The following NIBAN1 variants were observed in gnomAD, a reference collection of about 807,000 sequenced individuals.
The protein encoded by NIBAN1 is protein Niban 1.
Under a neutral mutation model 75.1 loss-of-function variants are expected in NIBAN1, and 81 were observed. That is an observed-to-expected ratio of 1.08 (90% CI 0.90 to 1.30). NIBAN1 has a LOEUF of 1.30. NIBAN1 is among the 50% of genes most tolerant of loss of function. The probability of loss-of-function intolerance (pLI) is 0.00; values close to 1 mark genes in which losing one functional copy is unlikely to be tolerated. For missense variants in NIBAN1, 1,133 were observed against 1,128.1 expected, an observed-to-expected ratio of 1.00 and a Z score of -0.06; for synonymous variants, 436 against 424.8, an observed-to-expected ratio of 1.03 and a Z score of -0.32.
chr1:184,863,122 C>A (rs80172835), intron 5 of NIBAN1, among the ~76,000 whole-genome samples: 2 of 152,186 alleles, frequency 1.3e-5, no homozygotes, highest in African/African-American at 4.8e-5. Flanking sequence ...CCCTCCTCAT[C>A]ACCACACGAT....
intron 5 of NIBAN1, among the ~76,000 whole-genome samples, chr1:184,871,066 G>C (rs1486473678): frequency 6.6e-6 from 1 of 152,158 alleles, no homozygotes; most frequent in Non-Finnish European, 1.5e-5. Context: ...AAATGTGCTA[G>C]CTGGGTGCAG....
chr1:184,974,410 T>C lies in NIBAN1; in HGVS notation c.-54A>G, dbSNP rs1291426263. 2 of 1,527,646 alleles carry C rather than the reference T, an allele frequency of 1.3e-6. No homozygotes were observed. Among genetic ancestry groups the C allele is most frequent in the Non-Finnish European group, 1.8e-6 (2 of 1,142,182 alleles). 94.6% of individuals were successfully genotyped at this position (1,527,646 alleles called of 1,614,324 possible). A position where few individuals can be genotyped will look rare whatever the true frequency, so the allele number is the denominator to read the frequency against. On this transcript the variant is annotated 5_prime_UTR_variant, in exon 1 of 14. Transcript: ENST00000367511. ...AAACTGCCCGGTCCGCGCCCGCTGCTAGCTCCTGGAGGTTGATCCGACGGC... is the reference window on the plus strand; with the variant it reads ...AAACTGCCCGGTCCGCGCCCGCTGCCAGCTCCTGGAGGTTGATCCGACGGC...
chr1:184,963,696 CTTA>C, intron 1 of NIBAN1, among the ~76,000 whole-genome samples: 1 of 152,170 alleles, frequency 6.6e-6, no homozygotes, highest in East Asian at 1.9e-4. Context: ...AATAAATAAA[CTTA>C]TTAAACATTT....
chr1:184,938,053 T>C (rs1359228638), intron 1 of NIBAN1, among the ~76,000 whole-genome samples: 1 of 152,040 alleles, frequency 6.6e-6, no homozygotes, highest in Non-Finnish European at 1.5e-5. Context: ...GCTCACAAGA[T>C]GAGGCTGGAG....
At chr1:184,916,500 A>T (rs1276963155) in intron 1 of NIBAN1, among the ~76,000 whole-genome samples, 6 of 150,324 alleles carry the variant, frequency 4.0e-5, no homozygotes, top group Admixed American at 4.0e-4. Flanking sequence ...AGCAAAAAAA[A>T]TCCAATTCAT....
chr1:184,809,599 A>ATG (rs936347028), intron 9 of NIBAN1, among the ~76,000 whole-genome samples: 20 of 149,920 alleles, frequency 1.3e-4, no homozygotes, highest in African/African-American at 4.9e-4. Flanking sequence ...ATCAGGGTAT[A>ATG]TGTGTGTGTA....
rs1368170734 is a variant in NIBAN1, at chr1:184,793,587, G to A, written c.*1390C>T. ...ATAGAATAAAATAAAATAAAAAGTCGGGGAGGGAAACCACGATGTAATACT... is the reference window on the plus strand; with the variant it reads ...ATAGAATAAAATAAAATAAAAAGTCAGGGAGGGAAACCACGATGTAATACT... On this transcript the variant is annotated 3_prime_UTR_variant, in exon 14 of 14. Coordinates refer to ENST00000367511, the MANE Select transcript of NIBAN1 (RefSeq NM_052966.4). The A allele has an allele frequency of 1.3e-5, 2 of 152,098 alleles. No homozygotes were observed. Among genetic ancestry groups the A allele is most frequent in the Non-Finnish European group, 2.9e-5 (2 of 68,006 alleles). The allele number at this position is 152,098 out of a possible 1,614,324, so 9.4% of individuals were successfully genotyped here.
rs682331 is a variant in NIBAN1 at position 184,792,231 on chromosome 1, A to G, written c.*2746T>C. The G allele has an allele frequency of 0.53, 80,369 of 152,050 alleles. 22,278 individuals carry two copies. Among genetic ancestry groups the G allele is most frequent in the African/African-American group, 0.7 (28,948 of 41,456 alleles). The allele number at this position is 152,050 out of a possible 1,614,324, so 9.4% of individuals were successfully genotyped here. A position where few individuals can be genotyped will look rare whatever the true frequency, so the allele number is the denominator to read the frequency against. On this transcript the variant is annotated 3_prime_UTR_variant, in exon 14 of 14. Coordinates refer to ENST00000367511, the MANE Select transcript of NIBAN1 (RefSeq NM_052966.4). ...GCTGGGATTATAGGTGTAAGCTACC[A>G]CATCCAGCCCAAAAACTTGTCTTTA...
chr1:184,926,788 A>G (rs1342485016), intron 1 of NIBAN1, among the ~76,000 whole-genome samples: 1 of 152,280 alleles, frequency 6.6e-6, no homozygotes, highest in Non-Finnish European at 1.5e-5. Context: ...TTTAAGGCCA[A>G]TAACTCAGAC....
intron 4 of NIBAN1, chr1:184,887,592 A>G (rs1656560177): frequency 6.6e-6 from 1 of 152,160 alleles, no homozygotes; most frequent in African/African-American, 2.4e-5. Context: ...TGGAATGAGA[A>G]TGCTATGGTA....
chr1:184,857,175 T>A (rs1297527367), intron 5 of NIBAN1, among the ~76,000 whole-genome samples: 1 of 152,204 alleles, frequency 6.6e-6, no homozygotes. Flanking sequence ...GGTGATGGGT[T>A]CTGGAGTCTG....
intron 2 of NIBAN1, among the ~76,000 whole-genome samples, chr1:184,894,800 G>A (rs557275952): frequency 6.6e-6 from 1 of 152,268 alleles, no homozygotes; most frequent in East Asian, 1.9e-4. Flanking sequence ...GAGTTCCACC[G>A]CTTCTACTGA....
chr1:184,887,046 G>C (rs111585243), intron 4 of NIBAN1, among the ~76,000 whole-genome samples: 2 of 152,062 alleles, frequency 1.3e-5, no homozygotes, highest in African/African-American at 4.8e-5. Flanking sequence ...ACTTGAACCC[G>C]GGAGGCAGAG....
At chr1:184,904,845 GGAGGCT>G (rs1433087205) in intron 1 of NIBAN1, among the ~76,000 whole-genome samples, 1 of 152,082 alleles carries the variant, frequency 6.6e-6, no homozygotes, top group Non-Finnish European at 1.5e-5. Context: ...CAGCTACTTG[GGAGGCT>G]GAGGCAGGAG....
At chr1:184,938,435 T>C (rs1040783165) in intron 1 of NIBAN1, among the ~76,000 whole-genome samples, 1 of 152,180 alleles carries the variant, frequency 6.6e-6, no homozygotes, top group Non-Finnish European at 1.5e-5. Context: ...CTTTCTCTTT[T>C]TTTCTTTTTG....
intron 1 of NIBAN1, among the ~76,000 whole-genome samples, chr1:184,963,597 A>T (rs1482163313): frequency 6.6e-6 from 1 of 152,230 alleles, no homozygotes. Context: ...AAAACAAAAT[A>T]GCTTTCTGGT....
intron 9 of NIBAN1, among the ~76,000 whole-genome samples, chr1:184,811,713 C>G (rs1442401609): frequency 6.6e-6 from 1 of 151,872 alleles, no homozygotes; most frequent in Non-Finnish European, 1.5e-5. Context: ...AGGATGGTCT[C>G]GATTTCCCGA....
chr1:184,823,889 C>T, intron 6 of NIBAN1, 147 bp from the exon 7 acceptor site: 5 of 586,120 alleles, frequency 8.5e-6, no homozygotes, highest in Non-Finnish European at 1.5e-5. Flanking sequence ...ACTACAGAGG[C>T]CACAGAAATC....
In NIBAN1 at chr1:184,928,081, C is replaced by A. The variant is rs115608848; in HGVS notation, c.56-28772G>T. Among the ~76,000 whole-genome samples, 1,103 of 152,228 alleles carry A rather than the reference C, an allele frequency of 7.2e-3. 13 individuals carry two copies. Among genetic ancestry groups the A allele is most frequent in the African/African-American group, 0.026 (1,074 of 41,540 alleles). On this transcript the variant is annotated intron_variant, in intron 1 of 13. Transcript: ENST00000367511. Reference sequence around the variant, plus strand: ...CAGCAGGTGATGAATCCAGCCAGAACTGGGGCCTTCCCTTCAAGGTAGCAA... The same window carrying A: ...CAGCAGGTGATGAATCCAGCCAGAAATGGGGCCTTCCCTTCAAGGTAGCAA...
Sources: gnomAD v4.1 joint callset for allele counts (sites outside exome capture counted in the v4.1 genomes callset) on GRCh38, gnomAD v4.1.1 for gene constraint, MANE v1.5 for transcripts, NCBI Gene and HGNC (gene_info 2026-07-23, HGNC 2026-07-21) for gene names.